Variants in DAB1 observed in about 807,000 individuals in gnomAD.
DAB1 encodes the protein DAB adaptor protein 1, also known as disabled homolog 1.
In DAB1, 15 loss-of-function variants were observed where a neutral mutation model predicts 64.6. That is an observed-to-expected ratio of 0.23 (90% CI 0.16 to 0.36). DAB1 has a LOEUF of 0.36. DAB1 is among the 10% of genes least tolerant of loss of function. The pLI, the probability that DAB1 is intolerant of heterozygous loss-of-function variation, is 1.00. For synonymous variants in DAB1, 235 were observed against 251.9 expected, an observed-to-expected ratio of 0.93 and a Z score of 0.64; for missense variants, 596 against 706.7, an observed-to-expected ratio of 0.84 and a Z score of 1.78.
chr1:57,980,942 T>G (rs1646051212), intron 5 of DAB1, among the ~76,000 whole-genome samples: 1 of 151,422 alleles, frequency 6.6e-6, no homozygotes, highest in Non-Finnish European at 1.5e-5. Context: ...TAGATATAGA[T>G]AGATAAACAT....
chr1:57,839,668 C>T (rs953317972), intron 1 of DAB1, among the ~76,000 whole-genome samples: 10 of 152,156 alleles, frequency 6.6e-5, no homozygotes, highest in African/African-American at 2.2e-4. Flanking sequence ...CAATACAGTG[C>T]TTTGCAAAGA....
intron 4 of DAB1, among the ~76,000 whole-genome samples, chr1:58,158,470 G>A (rs1655336728): frequency 6.6e-6 from 1 of 152,082 alleles, no homozygotes; most frequent in African/African-American, 2.4e-5. Flanking sequence ...CCACATCCAG[G>A]ATGGTCCCCC....
chr1:58,526,601 CA>C (rs10574530), intron 2 of DAB1, among the ~76,000 whole-genome samples: 38,596 of 121,070 alleles, frequency 0.32, 5,480 homozygotes, highest in East Asian at 0.56. Context: ...CTATGGCTAG[CA>C]AAAAAAAAAA....
intron 2 of DAB1, among the ~76,000 whole-genome samples, chr1:57,262,091 T>C (rs754463176): frequency 1.3e-5 from 2 of 152,184 alleles, no homozygotes; most frequent in Non-Finnish European, 2.9e-5. Context: ...GAAACAATTC[T>C]GTCAAACAAG....
At chr1:57,573,385 C>G (rs1645214682) in intron 7 of DAB1, among the ~76,000 whole-genome samples, 1 of 152,148 alleles carries the variant, frequency 6.6e-6, no homozygotes, top group Admixed American at 6.5e-5. Context: ...AGCCACCATG[C>G]CTGACCTCAT....
intron 1 of DAB1, among the ~76,000 whole-genome samples, chr1:57,331,203 G>C (rs750743393): frequency 6.6e-6 from 1 of 152,164 alleles, no homozygotes; most frequent in Non-Finnish European, 1.5e-5. Flanking sequence ...CTAACGATAA[G>C]AACAATAACA....
At chr1:58,326,429 A>G (rs1412728006) in intron 4 of DAB1, among the ~76,000 whole-genome samples, 2 of 152,212 alleles carry the variant, frequency 1.3e-5, no homozygotes, top group African/African-American at 4.8e-5. Context: ...CCCTGAATGC[A>G]GAAACCCCCA....
At chr1:57,290,859 A>C (rs1197200602) in intron 2 of DAB1, 105 bp downstream of exon 2, 1 of 618,172 alleles carries the variant, frequency 1.6e-6, no homozygotes, top group African/African-American at 1.9e-5. Flanking sequence ...ACTATTTAAA[A>C]ATATATGCAA....
At chr1:57,966,873 T>C (rs1007772293) in intron 5 of DAB1, among the ~76,000 whole-genome samples, 1 of 152,172 alleles carries the variant, frequency 6.6e-6, no homozygotes, top group Non-Finnish European at 1.5e-5. Flanking sequence ...GTGGTCATGA[T>C]TTGCGTTTTC....
At chr1:58,399,767 T>C (rs1363206990) in intron 3 of DAB1, among the ~76,000 whole-genome samples, 2 of 152,136 alleles carry the variant, frequency 1.3e-5, no homozygotes, top group Non-Finnish European at 2.9e-5. Flanking sequence ...CCCTTTATTA[T>C]CCCTATTTTA....
intron 1 of DAB1, among the ~76,000 whole-genome samples, chr1:57,851,231 G>A (rs1653510945): frequency 6.6e-6 from 1 of 152,146 alleles, no homozygotes; most frequent in South Asian, 2.1e-4. Context: ...TATCTACATA[G>A]GTTAGTCTCT....
chr1:58,292,973 G>C (rs577937546), intron 4 of DAB1, among the ~76,000 whole-genome samples: 70 of 152,172 alleles, frequency 4.6e-4, no homozygotes, highest in African/African-American at 1.6e-3. Flanking sequence ...TGGTGAAGTG[G>C]AGACCCACAT....
chr1:57,379,723 G>C (rs1681203210), intron 1 of DAB1, among the ~76,000 whole-genome samples: 1 of 152,166 alleles, frequency 6.6e-6, no homozygotes, highest in African/African-American at 2.4e-5. Context: ...GGCAGATTCA[G>C]TATTACACAC....
chr1:57,807,097 C>T lies in DAB1; in HGVS notation n.551+76902G>A, dbSNP rs1190759222. Among the ~76,000 whole-genome samples the T allele has an allele frequency of 2.0e-5, 3 of 152,188 alleles. No individual in the cohort carries two copies. In the East Asian group the frequency reaches 5.8e-4, roughly 29 times the overall value. ...GCTCCCCAGACTATAGCACTAGCTC[C>T]TAACTGGCCTTTCTGCAACTGGCTC... On this transcript the variant is annotated intron_variant and non_coding_transcript_variant, in intron 6 of 20. Transcript: ENST00000485760.
At chr1:57,666,901 G>A (rs942957273) in intron 6 of DAB1, among the ~76,000 whole-genome samples, 4 of 151,230 alleles carry the variant, frequency 2.6e-5, no homozygotes, top group African/African-American at 9.7e-5. Flanking sequence ...AAGGGGAGGG[G>A]GAGAGAGAGA....
At chr1:58,544,766 G>A (rs1646674762) in intron 1 of DAB1, among the ~76,000 whole-genome samples, 3 of 152,206 alleles carry the variant, frequency 2.0e-5, no homozygotes, top group South Asian at 4.1e-4. Flanking sequence ...GCTAATTTTT[G>A]TATTTTTAGT....
At chr1:58,315,339 T>C (rs1347537799) in intron 4 of DAB1, among the ~76,000 whole-genome samples, 1 of 152,188 alleles carries the variant, frequency 6.6e-6, no homozygotes, top group Non-Finnish European at 1.5e-5. Context: ...TTGAGAAGCA[T>C]TGCTCCAACT....
intron 4 of DAB1, among the ~76,000 whole-genome samples, chr1:58,175,829 T>A (rs946575079): frequency 2.6e-5 from 4 of 152,194 alleles, no homozygotes; most frequent in African/African-American, 9.7e-5. Flanking sequence ...CGGGTTATTA[T>A]CTCTACTGAA....
intron 1 of DAB1, among the ~76,000 whole-genome samples, chr1:57,420,169 T>C (rs1684790218): frequency 6.6e-6 from 1 of 152,166 alleles, no homozygotes; most frequent in Non-Finnish European, 1.5e-5. Context: ...CATCCAAAAA[T>C]GGGGAAATAT....
Sources: allele counts gnomAD v4.1 joint callset (sites outside exome capture counted in the v4.1 genomes callset), GRCh38; gene constraint gnomAD v4.1.1; transcripts MANE v1.5; gene names NCBI Gene and HGNC (gene_info 2026-07-23, HGNC 2026-07-21).